The following RGSL1 variants were observed in gnomAD, a reference collection of about 807,000 sequenced individuals.
The protein encoded by RGSL1 is regulator of G protein signaling protein-like.
Under a neutral mutation model 124.7 loss-of-function variants are expected in RGSL1, and 97 were observed. That is an observed-to-expected ratio of 0.78 (90% CI 0.66 to 0.92). The LOEUF (loss-of-function observed/expected upper bound fraction) is 0.92. Among genes scored for constraint, RGSL1 ranks in the 40% least tolerant of loss-of-function variants. The pLI is 0.00. For missense variants in RGSL1, 1,233 were observed against 1,288.4 expected (o/e 0.96, Z 0.66); for synonymous variants, 424 against 438.1 (o/e 0.97, Z 0.40).
At chr1:182,464,660 G>T (rs1376144155) in intron 4 of RGSL1, among the ~76,000 whole-genome samples, 1 of 151,528 alleles carries the variant, frequency 6.6e-6, no homozygotes, top group African/African-American at 2.4e-5. Flanking sequence ...GGAGGCAGAG[G>T]TTGCAGTGAG....
chr1:182,487,102 A>G (rs556836067), intron 6 of RGSL1, among the ~76,000 whole-genome samples: 3 of 152,286 alleles, frequency 2.0e-5, no homozygotes, highest in East Asian at 3.9e-4. Context: ...ATTACATTAC[A>G]TATTGCTCGG....
At chr1:182,523,200 T>C (rs571393) in intron 10 of RGSL1, among the ~76,000 whole-genome samples, 1,260 of 7,738 alleles carry the variant, frequency 0.16, 40 homozygotes, top group African/African-American at 0.32. Flanking sequence ...CCATGCCTGT[T>C]TTTTTTTCTT....
intron 9 of RGSL1, among the ~76,000 whole-genome samples, chr1:182,503,023 G>A (rs1029343845): frequency 1.3e-5 from 2 of 152,194 alleles, no homozygotes; most frequent in Non-Finnish European, 2.9e-5. Context: ...TGGCAAGGAT[G>A]TGGAGAAAAG....
chr1:182,460,666 G>A (rs1032187403), intron 4 of RGSL1: 15 of 455,876 alleles, frequency 3.3e-5, no homozygotes, highest in South Asian at 6.2e-5. Flanking sequence ...TGGTGGTGCT[G>A]GAGGGACTCC....
At chr1:182,488,138 CAT>C in intron 6 of RGSL1, 145 bp from the exon 7 acceptor site, 1 of 702,694 alleles carries the variant, frequency 1.4e-6, no homozygotes, top group Non-Finnish European at 2.4e-6. Flanking sequence ...CCTGGTTGGT[CAT>C]AGCTAATGTT....
In RGSL1 at chr1:182,467,903, A is replaced by G. The variant is rs543311102; in HGVS notation, c.302-4493A>G. Among the ~76,000 whole-genome samples the G allele has an allele frequency of 1.8e-4, 27 of 152,316 alleles. No homozygotes were observed. The East Asian group carries it at 4.8e-3, about 27-fold the overall frequency. The stretch of plus-strand genomic sequence containing the variant: ...GGCTAATATCCAGAATCTACAATGA[A>G]CTCAAACAAATTTACAAGACAAAAA... On this transcript the variant is annotated intron_variant, in intron 4 of 21. Transcript: ENST00000294854.
At chr1:182,454,489 C>T (rs1652121376) in intron 2 of RGSL1, among the ~76,000 whole-genome samples, 1 of 152,164 alleles carries the variant, frequency 6.6e-6, no homozygotes, top group African/African-American at 2.4e-5. Context: ...AAATTCCATT[C>T]TCCTTAAGGA....
At position 182,530,862 on chromosome 1, in the gene RGSL1, G is replaced by T. The variant is rs372447208; in HGVS notation, c.2316G>T (p.Ser772=). 1 of 1,549,900 alleles carries T rather than the reference G, an allele frequency of 6.5e-7. No homozygotes were observed. The highest frequency in any genetic ancestry group is 8.7e-7 in the Non-Finnish European group (1 of 1,146,110). The change falls in exon 13 of 22, where the codon TCG becomes TCT. Residue 772 remains serine (S), a synonymous_variant. Transcript: ENST00000294854. The part of the protein sequence containing the change: ...EVEVQSEVQI[S]SRKPSKIVST... ...AAGTGCAAAGTGAAGTACAAATTTC[G>T]TCTAGGAAGCCCTCAAAGATAGTGT...
intron 9 of RGSL1, among the ~76,000 whole-genome samples, chr1:182,518,279 C>G (rs1658051706): frequency 6.6e-6 from 1 of 152,126 alleles, no homozygotes; most frequent in Non-Finnish European, 1.5e-5. Context: ...CTTTTCAGCT[C>G]TAGGAGGTAC....
intron 21 of RGSL1, among the ~76,000 whole-genome samples, chr1:182,557,345 C>G (rs146083135): frequency 2.0e-5 from 3 of 152,100 alleles, no homozygotes; most frequent in African/African-American, 7.2e-5. Context: ...TAAGGCAAGA[C>G]CCCAGGTAAG....
At chr1:182,522,729 A>G (rs182140517) in intron 10 of RGSL1, among the ~76,000 whole-genome samples, 19 of 152,332 alleles carry the variant, frequency 1.2e-4, no homozygotes, top group African/African-American at 3.4e-4. Flanking sequence ...TTCTCTTCTG[A>G]AACCCTAAAG....
intron 15 of RGSL1, among the ~76,000 whole-genome samples, chr1:182,540,652 A>G (rs1320351074): frequency 7.2e-5 from 11 of 152,160 alleles, no homozygotes; most frequent in Non-Finnish European, 1.5e-5. Flanking sequence ...GTTAAAATGC[A>G]GTTACTTAGT....
intron 10 of RGSL1, among the ~76,000 whole-genome samples, chr1:182,522,365 G>T (rs922813971): frequency 6.6e-6 from 1 of 152,096 alleles, no homozygotes; most frequent in Non-Finnish European, 1.5e-5. Flanking sequence ...TGTATGTGCA[G>T]ATCTACCTCC....
At chr1:182,520,004 T>G (rs1174936259) in intron 9 of RGSL1, among the ~76,000 whole-genome samples, 1 of 152,176 alleles carries the variant, frequency 6.6e-6, no homozygotes, top group Non-Finnish European at 1.5e-5. Context: ...ATATTTGACT[T>G]TTCTGTGCTT....
rs1300352182 is a variant in RGSL1 at position 182,530,334 on chromosome 1, A to G, written c.2216A>G (p.His739Arg). ...AGCACACTGTTAACGCTCCAGGGAC[A>G]TGTTATGAAATCTATAGAAGAAAAG... The part of the protein sequence containing the change: ...TTSTLLTLQG[H>R]VMKSIEEKWF... Residue 739 changes from histidine (H) to arginine (R), a missense_variant, in exon 12 of 22, where the codon CAT becomes CGT. By Grantham distance (29) the His-to-Arg change is conservative. Transcript: ENST00000294854. The G allele has an allele frequency of 1.3e-6, 2 of 1,550,876 alleles. No homozygotes were observed. Among genetic ancestry groups the G allele is most frequent in the Admixed American group, 3.9e-5 (2 of 50,944 alleles).
chr1:182,527,643 C>T lies in RGSL1; in HGVS notation c.1996C>T (p.Arg666Trp), dbSNP rs367955469. 3.4e-5 allele frequency: 52 copies of T among 1,551,660 alleles called. No individual in the cohort carries two copies. In the East Asian group the frequency reaches 4.4e-4, roughly 13 times the overall value. ...GTTCTTCAGGGAGTTCCTCAAGGAA[C>T]GGAAGGCTAAAATCCCATTGCAATT... ...LEFFREFLKE[R>W]KAKIPLQFLT... Residue 666 changes from arginine to tryptophan, a missense_variant, in exon 11 of 22, where the codon CGG becomes TGG. Arg to Trp is a moderately radical substitution (Grantham distance 101). Coordinates refer to ENST00000294854, the MANE Select transcript of RGSL1 (RefSeq NM_001137669.2).
intron 13 of RGSL1, 70 bp downstream of exon 13, chr1:182,530,980 A>C (rs1659132984): frequency 2.0e-6 from 3 of 1,484,344 alleles, no homozygotes; most frequent in Non-Finnish European, 2.7e-6. Flanking sequence ...TAGGTTTTTA[A>C]ATCCCCATTT....
Position 182,453,966 on chromosome 1 carries a change from G to A in RGSL1, c.22G>A (p.Gly8Ser), listed in dbSNP as rs1474762042. MSSAEII[G>S]STNLIILLED... ...TCTCTCTCTCCATATAGAGATAATT[G>A]GTTCTACAAATCTTATAATTCTGCT... The change falls in exon 2 of 22, where the codon GGT becomes AGT. Residue 8 changes from glycine (G) to serine (S), a missense_variant. Physicochemically the swap from Gly to Ser is moderately conservative, Grantham distance 56. Transcript: ENST00000294854. The A allele has an allele frequency of 6.7e-7, 1 of 1,500,034 alleles. No individual in the cohort carries two copies. The highest frequency in any genetic ancestry group is 9.1e-7 in the Non-Finnish European group (1 of 1,100,486). The allele number at this position is 1,500,034 out of a possible 1,614,324, so 92.9% of individuals were successfully genotyped here.
chr1:182,458,510 C>T, intron 3 of RGSL1, 117 bp downstream of exon 3: 1 of 863,520 alleles, frequency 1.2e-6, no homozygotes, highest in Non-Finnish European at 1.8e-6. Flanking sequence ...CATTCTGTCA[C>T]CCAGGCTGCA....
Sources: gnomAD v4.1 joint callset for allele counts (sites outside exome capture counted in the v4.1 genomes callset) on GRCh38, gnomAD v4.1.1 for gene constraint, MANE v1.5 for transcripts, NCBI Gene and HGNC (gene_info 2026-07-23, HGNC 2026-07-21) for gene names.